SRPRA: variants seen among roughly 807,000 people sequenced by gnomAD.
SRPRA encodes the protein signal recognition particle receptor subunit alpha.
SRPRA carries 30 observed loss-of-function variants against 61.1 expected under a neutral mutation model. That is an observed-to-expected ratio of 0.49 (90% CI 0.37 to 0.67). The LOEUF is 0.67. Among genes scored for constraint, SRPRA ranks in the 30% least tolerant of loss-of-function variants. The pLI, the probability that SRPRA is intolerant of heterozygous loss-of-function variation, is 0.00. For synonymous variants in SRPRA, 324 were observed against 299.7 expected (o/e 1.08, Z -0.84); for missense variants, 759 against 828.4 (o/e 0.92, Z 1.03).
chr11:126,264,607 CA>C lies in SRPRA; in HGVS notation c.1526-69del. 6.4e-7 allele frequency: 1 copy of C among 1,567,096 alleles called. No homozygotes were observed. Among genetic ancestry groups the C allele is most frequent in the Non-Finnish European group, 8.7e-7 (1 of 1,155,032 alleles). ...CTCATGCTCGTTCCCAGCTTCCTCT[CA>C]AAAAGTCCTAGTTTGACTACCTGTT... On this transcript the variant is annotated intron_variant, in intron 11 of 13. Transcript: ENST00000332118. This position sits in a 1 kb window ranked among gnomAD's most constrained non-coding sequence, Gnocchi z 5.0.
downstream of SRPRA, chr11:126,261,433 G>A: frequency 6.2e-7 from 1 of 1,613,928 alleles, no homozygotes; most frequent in Non-Finnish European, 8.5e-7. Flanking sequence ...AGCAGGGATG[G>A]TGAGAGAAGG....
chr11:126,244,017 A>G, the SRPRA span, among the ~76,000 whole-genome samples: 1 of 152,340 alleles, frequency 6.6e-6, no homozygotes, highest in Non-Finnish European at 1.5e-5. This position sits in a 1 kb window ranked among gnomAD's most constrained non-coding sequence, Gnocchi z 4.5. Context: ...GCAAAATGCA[A>G]CACTCTTTCA....
the SRPRA span, among the ~76,000 whole-genome samples, chr11:126,250,155 G>A: frequency 2.7e-5 from 4 of 149,774 alleles, no homozygotes; most frequent in Non-Finnish European, 4.4e-5. The surrounding 1 kb of genome is among the most constrained non-coding windows in gnomAD (Gnocchi z 5.1). Context: ...GCAGTGACGC[G>A]ATCTCGGCTC....
At chr11:126,254,081 G>A in the SRPRA span, among the ~76,000 whole-genome samples, 1 of 152,180 alleles carries the variant, frequency 6.6e-6, no homozygotes. Context: ...GATTTTTGAT[G>A]CTTACTTTCA....
At chr11:126,257,518 TAAAA>T in the SRPRA span, among the ~76,000 whole-genome samples, 1 of 139,020 alleles carries the variant, frequency 7.2e-6, no homozygotes, top group Non-Finnish European at 1.6e-5. Context: ...TTCATTGCCA[TAAAA>T]AAAAAAGTTA....
intron 4 of SRPRA, 42 bp from the exon 5 acceptor site, chr11:126,266,964 C>T (rs747193494): frequency 1.3e-6 from 2 of 1,597,980 alleles, no homozygotes; most frequent in East Asian, 4.5e-5. Context: ...GAAGACCAAT[C>T]CCAACCACTA....
Position 126,264,511 on chromosome 11 carries a change from CAG to C in SRPRA, c.1552_1553del (p.Leu518GlyfsTer27). ...CTTGCATGCGGCCTGCCGTGTCCAC[CAG>C]CACCACGTCAAAGCCTTGGTTACGT... Reference protein sequence around the residue: ...FARNQGFDVVLVDTAGRMQDN... With the variant: ...FARNQGFDVVXVDTAGRMQDN... On this transcript the variant is annotated frameshift_variant, in exon 12 of 14. Coordinates refer to ENST00000332118, the MANE Select transcript of SRPRA (RefSeq NM_003139.4). LOFTEE classifies it high-confidence loss of function. This position sits in a 1 kb window ranked among gnomAD's most constrained non-coding sequence, Gnocchi z 5.0. The C allele has an allele frequency of 6.2e-7, 1 of 1,613,550 alleles. No individual in the cohort carries two copies. The highest frequency in any genetic ancestry group is 8.5e-7 in the Non-Finnish European group (1 of 1,180,044).
chr11:126,243,898 C>A, the SRPRA span, among the ~76,000 whole-genome samples: 60 of 133,620 alleles, frequency 4.5e-4, no homozygotes, highest in Non-Finnish European at 8.6e-4. Context: ...AGCAAGACTC[C>A]GTCTCAAAAA....
At chr11:126,249,164 C>T in the SRPRA span, among the ~76,000 whole-genome samples, 11 of 151,198 alleles carry the variant, frequency 7.3e-5, no homozygotes, top group Non-Finnish European at 8.8e-5. Context: ...CTTGAGATCC[C>T]AGGAATTCAA....
In SRPRA at chr11:126,266,094, G is replaced by A. The variant is rs1300604392; in HGVS notation, c.933-13C>T. 1 of 1,613,628 alleles carries A rather than the reference G, an allele frequency of 6.2e-7. No homozygotes were observed. Among genetic ancestry groups the A allele is most frequent in the Non-Finnish European group, 8.5e-7 (1 of 1,179,640 alleles). Reference sequence around the variant, plus strand: ...TCCCTTGGTCGCACTGCAGGGACAGGAGATTACACATACACATAAAACCAG... The same window carrying A: ...TCCCTTGGTCGCACTGCAGGGACAGAAGATTACACATACACATAAAACCAG... On this transcript the variant is annotated splice_polypyrimidine_tract_variant and intron_variant, in intron 7 of 13. Transcript: ENST00000332118.
the SRPRA span, among the ~76,000 whole-genome samples, chr11:126,239,273 TC>T: frequency 6.6e-6 from 1 of 152,150 alleles, no homozygotes; most frequent in Non-Finnish European, 1.5e-5. Context: ...AAATTGGAAG[TC>T]TTAATTAGGA....
chr11:126,242,700 C>T, the SRPRA span, among the ~76,000 whole-genome samples: 2 of 152,120 alleles, frequency 1.3e-5, no homozygotes, highest in African/African-American at 4.8e-5. Flanking sequence ...ATTTCACACC[C>T]GCTGGCATGA....
chr11:126,241,054 C>T, the SRPRA span: 2 of 1,560,030 alleles, frequency 1.3e-6, no homozygotes, highest in Non-Finnish European at 8.7e-7. Flanking sequence ...TGTGAGTACC[C>T]TAGTATGTGC....
In SRPRA at chr11:126,262,938, T is replaced by C. The variant is rs1175319953; in HGVS notation, c.*978A>G. ...AAGAACTCCAAGACCTAAAAGGCAA[T>C]TTATTTATGAAATTTATTTTCTTAT... On this transcript the variant is annotated 3_prime_UTR_variant, in exon 14 of 14. Coordinates refer to ENST00000332118, the MANE Select transcript of SRPRA (RefSeq NM_003139.4). 2 of 152,672 alleles carry C rather than the reference T, an allele frequency of 1.3e-5. No individual in the cohort carries two copies. Among genetic ancestry groups the C allele is most frequent in the African/African-American group, 2.4e-5 (1 of 41,464 alleles). The allele number at this position is 152,672 out of a possible 1,614,324, so 9.5% of individuals were successfully genotyped here. A position where few individuals can be genotyped will look rare whatever the true frequency, so the allele number is the denominator to read the frequency against.
chr11:126,265,978 G>A lies in SRPRA; in HGVS notation c.1036C>T (p.Arg346Cys), dbSNP rs1950801636. The A allele has an allele frequency of 4.3e-6, 7 of 1,614,034 alleles. No individual in the cohort carries two copies. Among genetic ancestry groups the A allele is most frequent in the East Asian group, 4.5e-5 (2 of 44,882 alleles). The part of the protein sequence containing the change: ...EDMESVLDKM[R>C]DHLIAKNVAA... The stretch of plus-strand genomic sequence containing the variant: ...CAGAACTTACCAATGAGATGATCAC[G>A]CATCTTGTCCAGCACAGATTCCATG... Residue 346 changes from arginine to cysteine, a missense_variant, in exon 8 of 14, where the codon CGT (arginine) becomes TGT (cysteine). Arg to Cys is a radical substitution (Grantham distance 180). This residue lies in a region of SRPRA where 475 missense variants were observed against 462.5 expected (regional missense o/e 1.03). Transcript: ENST00000332118. This position sits in a 1 kb window ranked among gnomAD's most constrained non-coding sequence, Gnocchi z 6.3.
chr11:126,245,052 G>C, the SRPRA span: 4 of 152,210 alleles, frequency 2.6e-5, no homozygotes, highest in African/African-American at 9.7e-5. Context: ...ACCATGGCAT[G>C]CACCTGTAGT....
chr11:126,237,183 A>G, the SRPRA span, among the ~76,000 whole-genome samples: 1 of 133,882 alleles, frequency 7.5e-6, no homozygotes, highest in Non-Finnish European at 1.6e-5. Flanking sequence ...CCTAAAGTGC[A>G]GGGATTACAG....
rs1950793222 is a variant in SRPRA, at chr11:126,265,590, T to G, written c.1138+147A>C. On this transcript the variant is annotated intron_variant, in intron 9 of 13. Coordinates refer to ENST00000332118, the MANE Select transcript of SRPRA (RefSeq NM_003139.4). The surrounding 1 kb of genome is among the most constrained non-coding windows in gnomAD (Gnocchi z 6.3). ...ACAGACGCACATTACAAGGACTAAC[T>G]CACTGAATCCTCTCAATAACCCTTA... 9.1e-6 allele frequency: 11 copies of G among 1,210,100 alleles called. No homozygotes were observed. Among genetic ancestry groups the G allele is most frequent in the Non-Finnish European group, 1.3e-5 (11 of 855,360 alleles). 75.0% of individuals were successfully genotyped at this position (1,210,100 alleles called of 1,614,324 possible).
chr11:126,242,808 T>C, the SRPRA span, among the ~76,000 whole-genome samples: 1 of 152,168 alleles, frequency 6.6e-6, no homozygotes, highest in African/African-American at 2.4e-5. Context: ...GGAAAACAGA[T>C]TGGCAGTTCC....
Sources: gnomAD v4.1 joint callset for allele counts (sites outside exome capture counted in the v4.1 genomes callset) on GRCh38, gnomAD v4.1.1 for gene constraint, gnomAD v4.1.1 regional missense constraint, Gnocchi (gnomAD v3.1) non-coding constraint, MANE v1.5 for transcripts, NCBI Gene and HGNC (gene_info 2026-07-23, HGNC 2026-07-21) for gene names.